Variants in PCDHA9 observed in about 807,000 individuals in gnomAD.
PCDHA9 encodes protocadherin alpha 9, also known as protocadherin alpha-9.
Under a neutral mutation model 62.0 loss-of-function variants are expected in PCDHA9, and 62 were observed. That is an observed-to-expected ratio of 1.00 (90% confidence interval 0.81 to 1.23). The LOEUF (loss-of-function observed/expected upper bound fraction) is 1.23, where lower values mean the gene tolerates loss of function less well. PCDHA9 is among the 50% of genes most tolerant of loss of function. The probability of loss-of-function intolerance (pLI) is 0.00; values close to 1 mark genes in which losing one functional copy is unlikely to be tolerated. For missense variants in PCDHA9, 1,205 were observed against 1,249.8 expected (o/e 0.96, Z 0.54); for synonymous variants, 557 against 567.6 (o/e 0.98, Z 0.27).
At chr5:141,003,432 C>T (rs1175854943) in intron 3 of PCDHA9, among the ~76,000 whole-genome samples, 1 of 152,124 alleles carries the variant, frequency 6.6e-6, no homozygotes, top group African/African-American at 2.4e-5. Context: ...ATGCCTCAGC[C>T]TCCCAAGTAG....
chr5:140,940,770 T>A (rs560965178), intron 1 of PCDHA9, among the ~76,000 whole-genome samples: 5 of 152,270 alleles, frequency 3.3e-5, no homozygotes, highest in Non-Finnish European at 7.3e-5. Context: ...ATTTGACTTT[T>A]GATGGTCCAT....
intron 1 of PCDHA9, among the ~76,000 whole-genome samples, chr5:140,957,899 A>G (rs551066654): frequency 3.0e-4 from 46 of 152,226 alleles, no homozygotes; most frequent in African/African-American, 1.1e-3. Flanking sequence ...GCATCAACCA[A>G]GGCATATTGT....
chr5:141,005,798 C>T (rs1236554438), intron 3 of PCDHA9, among the ~76,000 whole-genome samples: 1 of 143,634 alleles, frequency 7.0e-6, no homozygotes, highest in African/African-American at 2.6e-5. Context: ...GCAAAAACAA[C>T]TCCAAGGAGC....
rs543069895 is a variant in PCDHA9, at chr5:140,958,338, G to A, written c.2395-20611G>A. 2.0e-4 allele frequency among the ~76,000 whole-genome samples: 30 copies of A among 152,108 alleles called. No homozygotes were observed. In the South Asian group the frequency reaches 6.0e-3, roughly 31 times the overall value. ...GAGCTCAAAAAATAAATAAATCACA[G>A]GAAGTTCACAGTCTGACTTTATCAG... On this transcript the variant is annotated intron_variant, in intron 1 of 3. Transcript: ENST00000532602.
At chr5:140,862,887 G>A (rs781965401) in intron 1 of PCDHA9, 8 of 562,884 alleles carry the variant, frequency 1.4e-5, no homozygotes, top group Non-Finnish European at 2.7e-5. Flanking sequence ...GTGCTGGAAC[G>A]ACAACTTTGT....
At chr5:140,967,246 G>A in intron 1 of PCDHA9, 1 of 1,613,594 alleles carries the variant, frequency 6.2e-7, no homozygotes, top group Non-Finnish European at 8.5e-7. Context: ...TAAGCGAATC[G>A]GTGGCGCCTG....
intron 1 of PCDHA9, chr5:140,870,960 C>T: frequency 6.2e-7 from 1 of 1,613,670 alleles, no homozygotes; most frequent in Non-Finnish European, 8.5e-7. Context: ...GCTCGCGCAT[C>T]CCGTTCCGCG....
intron 1 of PCDHA9, chr5:140,929,343 A>G (rs1204297753): frequency 2.0e-6 from 3 of 1,531,032 alleles, no homozygotes; most frequent in Non-Finnish European, 2.6e-6. Context: ...AATTTTATGG[A>G]ATTTGATTCC....
Position 140,884,220 on chromosome 5 carries a change from T to G in PCDHA9, c.2394+33331T>G, listed in dbSNP as rs1469726535. 4 of 1,613,408 alleles carry G rather than the reference T, an allele frequency of 2.5e-6. No homozygotes were observed. The highest frequency in any genetic ancestry group is 3.4e-6 in the Non-Finnish European group (4 of 1,179,728). On this transcript the variant is annotated intron_variant, in intron 1 of 3. Transcript: ENST00000532602. ...CCGCACCACCGCCTTCTGGTGCTGG[T>G]GAAGGACCACGGTGAGCCCGCGCTG...
At chr5:140,987,439 A>G (rs1407783928) in intron 3 of PCDHA9, among the ~76,000 whole-genome samples, 18 of 152,154 alleles carry the variant, frequency 1.2e-4, no homozygotes, top group African/African-American at 3.9e-4. Flanking sequence ...GCCTTTCCCC[A>G]TGCCCGAGAG....
intron 1 of PCDHA9, among the ~76,000 whole-genome samples, chr5:140,916,610 A>G (rs1002556327): frequency 6.6e-6 from 1 of 152,196 alleles, no homozygotes; most frequent in Non-Finnish European, 1.5e-5. Flanking sequence ...TGCGGGCCTC[A>G]TGACTCTACT....
chr5:140,875,521 T>C (rs2055562442), intron 1 of PCDHA9: 2 of 1,614,014 alleles, frequency 1.2e-6, no homozygotes, highest in Non-Finnish European at 1.7e-6. Flanking sequence ...TCTGCTGCTC[T>C]CGCTTCTGCT....
chr5:140,904,139 A>G lies in PCDHA9; in HGVS notation c.2394+53250A>G, dbSNP rs557435150. On this transcript the variant is annotated intron_variant, in intron 1 of 3. Coordinates refer to ENST00000532602, the MANE Select transcript of PCDHA9 (RefSeq NM_031857.2). ...ATTTTGGTGCACCCATCACCCGAGCAGTATACATTGCACCCAGTTTGTAGT... is the reference window on the plus strand; with the variant it reads ...ATTTTGGTGCACCCATCACCCGAGCGGTATACATTGCACCCAGTTTGTAGT... Among the ~76,000 whole-genome samples, 4 of 152,286 alleles carry G rather than the reference A, an allele frequency of 2.6e-5. No homozygotes were observed. The East Asian group carries it at 7.7e-4, about 29-fold the overall frequency.
intron 3 of PCDHA9, among the ~76,000 whole-genome samples, chr5:141,002,380 G>T (rs1284047266): frequency 2.0e-5 from 3 of 152,196 alleles, no homozygotes; most frequent in Non-Finnish European, 2.9e-5. Context: ...CTGGCTTAGG[G>T]CTCCTGCTGG....
intron 3 of PCDHA9, among the ~76,000 whole-genome samples, chr5:140,986,867 C>A (rs1238623584): frequency 6.6e-6 from 1 of 152,140 alleles, no homozygotes; most frequent in Non-Finnish European, 1.5e-5. Flanking sequence ...TACCCGGAAA[C>A]TTGTTAGAAA....
chr5:141,005,814 A>G (rs947359019), intron 3 of PCDHA9, among the ~76,000 whole-genome samples: 1 of 149,766 alleles, frequency 6.7e-6, no homozygotes, highest in Non-Finnish European at 1.5e-5. Context: ...GGAGCCAGGT[A>G]TGGTGGCCTG....
At chr5:140,880,822 A>G (rs893258483) in intron 1 of PCDHA9, among the ~76,000 whole-genome samples, 1 of 152,206 alleles carries the variant, frequency 6.6e-6, no homozygotes, top group Non-Finnish European at 1.5e-5. Context: ...GAGTGTCTGG[A>G]AGGGCATATT....
rs781970935 is a variant in PCDHA9 at position 140,982,505 on chromosome 5, A to G, written c.2484A>G (p.Leu828=). The change falls in exon 3 of 4, where the codon CTA becomes CTG. Residue 828 remains leucine (L), a synonymous_variant. Coordinates refer to ENST00000532602, the MANE Select transcript of PCDHA9 (RefSeq NM_031857.2). ...TGCACCTAGAGGAGGCTGGCATTCT[A>G]CGGGCTGGTCCAGGAGGGCCTGATC... ...SSVHLEEAGI[L]RAGPGGPDQQ... The G allele has an allele frequency of 1.2e-6, 2 of 1,614,220 alleles. No homozygotes were observed. The highest frequency in any genetic ancestry group is 8.5e-7 in the Non-Finnish European group (1 of 1,180,032).
chr5:141,009,239 G>T (rs1416549332), intron 3 of PCDHA9, among the ~76,000 whole-genome samples: 2 of 152,186 alleles, frequency 1.3e-5, no homozygotes, highest in Admixed American at 1.3e-4. Context: ...AGGATCTCTT[G>T]AGCTTCAGTG....
Sources: allele counts gnomAD v4.1 joint callset (sites outside exome capture counted in the v4.1 genomes callset), GRCh38; gene constraint gnomAD v4.1.1; transcripts MANE v1.5; gene names NCBI Gene and HGNC (gene_info 2026-07-23, HGNC 2026-07-21).